Variants in PIWIL3 observed in about 807,000 individuals in gnomAD.
PIWIL3 encodes piwi like RNA-mediated gene silencing 3, also known as piwi-like protein 3.
A neutral mutation model predicts 109.7 loss-of-function variants in PIWIL3; 101 were observed. The observed-to-expected ratio is 0.92, with a 90% CI of 0.78 to 1.09. The LOEUF is 1.09. Among genes scored for constraint, PIWIL3 ranks in the 50% least tolerant of loss-of-function variants. The pLI, the probability that PIWIL3 is intolerant of heterozygous loss-of-function variation, is 0.00. For missense variants in PIWIL3, 1,031 were observed against 1,072.6 expected, an observed-to-expected ratio of 0.96 and a Z score of 0.54; for synonymous variants, 373 against 376.4, an observed-to-expected ratio of 0.99 and a Z score of 0.10.
intron 11 of PIWIL3, 137 bp from the exon 12 acceptor site, chr22:24,749,158 G>A: frequency 1.2e-6 from 1 of 852,082 alleles, no homozygotes; most frequent in East Asian, 2.6e-5. Flanking sequence ...TACCTTCCCT[G>A]AAACTCAGAA....
rs775315799 is a variant in PIWIL3 at position 24,721,457 on chromosome 22, C to CCA, written c.2358-1564_2358-1563dup. The stretch of plus-strand genomic sequence containing the variant: ...TCTCTTTGAATATTGCTCCACCCCA[C>CCA]CACACCCCCATCATATCTTATCTAC... On this transcript the variant is annotated intron_variant, in intron 19 of 20. Transcript: ENST00000616349. 2.0e-5 allele frequency among the ~76,000 whole-genome samples: 3 copies of CCA among 152,264 alleles called. No individual in the cohort carries two copies. In the East Asian group the frequency reaches 5.8e-4, roughly 29 times the overall value.
chr22:24,724,067 G>T (rs1169290136), intron 18 of PIWIL3, among the ~76,000 whole-genome samples: 4 of 152,124 alleles, frequency 2.6e-5, no homozygotes, highest in African/African-American at 9.7e-5. Flanking sequence ...GAACTTTGTG[G>T]TGGAAGCGGT....
At position 24,728,162 on chromosome 22, in the gene PIWIL3, T is replaced by G. The variant is rs757695919; in HGVS notation, c.1905+15A>C. On this transcript the variant is annotated intron_variant, in intron 15 of 20. Transcript: ENST00000616349. ...TTAGAAGTAAGTTAAACGAAGTCAGTGAAATACAACATACGTCTGTCTCCA... is the reference window on the plus strand; with the variant it reads ...TTAGAAGTAAGTTAAACGAAGTCAGGGAAATACAACATACGTCTGTCTCCA... 6.2e-6 allele frequency: 10 copies of G among 1,613,054 alleles called. No individual in the cohort carries two copies. In the East Asian group the frequency reaches 1.8e-4, roughly 29 times the overall value.
At chr22:24,760,603 A>G (rs1437203630) in intron 2 of PIWIL3, among the ~76,000 whole-genome samples, 2 of 151,118 alleles carry the variant, frequency 1.3e-5, no homozygotes, top group Non-Finnish European at 2.9e-5. Flanking sequence ...ACATGGAGAA[A>G]CCCCCGTCTC....
chr22:24,754,017 G>A lies in PIWIL3; in HGVS notation c.974C>T (p.Thr325Ile). ...GGTTTTTAAAAGACAGACTTACTTTGTCAGAACAATTGATCCAATTAATTT... is the reference window on the plus strand; with the variant it reads ...GGTTTTTAAAAGACAGACTTACTTTATCAGAACAATTGATCCAATTAATTT... ...TNKLIGSIVLTKYNNKTYRVD... is the reference protein window; with the variant it reads ...TNKLIGSIVLIKYNNKTYRVD... The change falls in exon 8 of 21, where the codon ACA (threonine) becomes ATA (isoleucine). Residue 325 changes from threonine (T) to isoleucine (I), a missense_variant. Physicochemically the swap from Thr to Ile is moderately conservative, Grantham distance 89. Coordinates refer to ENST00000616349, the MANE Select transcript of PIWIL3 (RefSeq NM_001255975.1). 6.2e-7 allele frequency: 1 copy of A among 1,600,206 alleles called. No individual in the cohort carries two copies. Among genetic ancestry groups the A allele is most frequent in the Non-Finnish European group, 8.6e-7 (1 of 1,167,378 alleles).
At chr22:24,731,989 G>A (rs548126346) in intron 14 of PIWIL3, among the ~76,000 whole-genome samples, 1 of 152,208 alleles carries the variant, frequency 6.6e-6, no homozygotes, top group Admixed American at 6.5e-5. Context: ...TCCTCATCAT[G>A]ACTCATTTAA....
chr22:24,760,339 C>A (rs566244053), intron 2 of PIWIL3, among the ~76,000 whole-genome samples: 4 of 152,148 alleles, frequency 2.6e-5, no homozygotes, highest in Admixed American at 2.0e-4. Context: ...GTTACCCAAG[C>A]CAGCAGTGGA....
intron 6 of PIWIL3, 144 bp downstream of exon 6, chr22:24,755,640 A>G (rs1454442613): frequency 9.3e-7 from 1 of 1,073,590 alleles, no homozygotes; most frequent in Non-Finnish European, 1.3e-6. Flanking sequence ...CTCAAGTATC[A>G]TTTCATCTCC....
chr22:24,745,717 G>GAAAAAAAAAAAAAAAAAAAAAAA (rs71189273), intron 12 of PIWIL3, among the ~76,000 whole-genome samples: 2 of 80,248 alleles, frequency 2.5e-5, no homozygotes, highest in Non-Finnish European at 5.0e-5. Flanking sequence ...GTCAGACTAA[G>GAAAAAAAAAAAAAAAAAAAAAAA]AAAAAAAAAA....
chr22:24,744,350 A>C (rs1009630536), intron 12 of PIWIL3, among the ~76,000 whole-genome samples: 7 of 152,170 alleles, frequency 4.6e-5, no homozygotes, highest in Admixed American at 2.0e-4. Flanking sequence ...AGGCAGGTGA[A>C]TCACAAGGTC....
At chr22:24,747,559 G>A (rs1183661691) in intron 12 of PIWIL3, among the ~76,000 whole-genome samples, 1 of 152,050 alleles carries the variant, frequency 6.6e-6, no homozygotes, top group Non-Finnish European at 1.5e-5. Flanking sequence ...GTCTGACAAG[G>A]GATTAATAAC....
rs1282763150 is a variant in PIWIL3, at chr22:24,748,934, G to GT, written c.1421dup (p.Asn474LysfsTer12). On this transcript the variant is annotated frameshift_variant, in exon 12 of 21. Coordinates refer to ENST00000616349, the MANE Select transcript of PIWIL3 (RefSeq NM_001255975.1). LOFTEE classifies it high-confidence loss of function. ...TTCTTCTGCCTTGCACGATGTTTGC[G>GT]TTTTTCAAAACTCTTCCCGGGACGG... 2.5e-6 allele frequency: 4 copies of GT among 1,612,734 alleles called. No individual in the cohort carries two copies. In the African/African-American group the frequency reaches 4.0e-5, roughly 16 times the overall value.
Position 24,734,081 on chromosome 22 carries a change from T to C in PIWIL3, c.1707+3A>G, listed in dbSNP as rs1239234782. 1 of 1,608,436 alleles carries C rather than the reference T, an allele frequency of 6.2e-7. No individual in the cohort carries two copies. ...ATTGTACATGTATCAACTAGACACT[T>C]ACCATCTGCAGTGTTGGTCTAGTAT... On this transcript the variant is annotated splice_donor_region_variant and intron_variant, in intron 14 of 20. Transcript: ENST00000616349.
rs1923855129 is a variant in PIWIL3 at position 24,739,543 on chromosome 22, A to G, written c.1450-3651T>C. On this transcript the variant is annotated intron_variant, in intron 12 of 20. Transcript: ENST00000616349. Reference sequence around the variant, plus strand: ...CAGAAGAGAGTAGCATAACATCTTTAAAGTGCTGTAGGAAAAAAAAAATTA... The same window carrying G: ...CAGAAGAGAGTAGCATAACATCTTTGAAGTGCTGTAGGAAAAAAAAAATTA... Among the ~76,000 whole-genome samples, 4 of 152,006 alleles carry G rather than the reference A, an allele frequency of 2.6e-5. No homozygotes were observed. In the South Asian group the frequency reaches 8.4e-4, roughly 32 times the overall value.
chr22:24,749,028 A>T lies in PIWIL3; in HGVS notation c.1335-7T>A. ...CTCTCGTACTTTTTTATTACTGAAA[A>T]TTAAAATATTGCCAACATGATCAAA... On this transcript the variant is annotated splice_region_variant and splice_polypyrimidine_tract_variant and intron_variant, in intron 11 of 20. Transcript: ENST00000616349. The T allele has an allele frequency of 6.3e-7, 1 of 1,590,482 alleles. No homozygotes were observed. Among genetic ancestry groups the T allele is most frequent in the Non-Finnish European group, 8.6e-7 (1 of 1,161,578 alleles).
chr22:24,751,398 A>C lies in PIWIL3; in HGVS notation c.1078T>G (p.Tyr360Asp), dbSNP rs751361423. 3 of 1,611,660 alleles carry C rather than the reference A, an allele frequency of 1.9e-6. No individual in the cohort carries two copies. Among genetic ancestry groups the C allele is most frequent in the Admixed American group, 3.4e-5 (2 of 59,444 alleles). The change falls in exon 9 of 21, where the codon TAC (tyrosine) becomes GAC (aspartate). Residue 360 changes from tyrosine (Y) to aspartate (D), a missense_variant. Transcript: ENST00000616349. Reference protein sequence around the residue: ...SDGSKITYIDYYRQQHKEIVT... With the variant: ...SDGSKITYIDDYRQQHKEIVT... ...ATACAGTTTCATACCTGCCTGTAGT[A>C]GTCTATATAGGTGATTTTGCTGCCA...
At chr22:24,742,633 C>G (rs928881693) in intron 12 of PIWIL3, among the ~76,000 whole-genome samples, 12 of 152,086 alleles carry the variant, frequency 7.9e-5, no homozygotes, top group African/African-American at 2.9e-4. Context: ...ACAAAGCAAA[C>G]AAAAACAAAG....
chr22:24,741,887 A>C (rs1424196768), intron 12 of PIWIL3, among the ~76,000 whole-genome samples: 1 of 151,798 alleles, frequency 6.6e-6, no homozygotes, highest in Non-Finnish European at 1.5e-5. Flanking sequence ...TAGTACTATA[A>C]GTCCTAGCCA....
At chr22:24,761,625 T>C (rs1015849746) in intron 2 of PIWIL3, among the ~76,000 whole-genome samples, 4 of 152,034 alleles carry the variant, frequency 2.6e-5, no homozygotes, top group African/African-American at 9.7e-5. Flanking sequence ...AGGGGCTAAG[T>C]AGAGATATTT....
Sources: gnomAD v4.1 joint callset for allele counts (sites outside exome capture counted in the v4.1 genomes callset) on GRCh38, gnomAD v4.1.1 for gene constraint, MANE v1.5 for transcripts, NCBI Gene and HGNC (gene_info 2026-07-23, HGNC 2026-07-21) for gene names.